Variants in NTNG1 observed in about 807,000 individuals in gnomAD.
NTNG1 encodes netrin-G1.
A neutral mutation model predicts 54.0 loss-of-function variants in NTNG1; 16 were observed. The observed-to-expected ratio is 0.30, with a 90% CI of 0.20 to 0.45. The LOEUF (loss-of-function observed/expected upper bound fraction) is 0.45, where lower values mean the gene tolerates loss of function less well. NTNG1 is among the 20% of genes least tolerant of loss of function. The pLI is 1.00. For synonymous variants in NTNG1, 255 were observed against 263.1 expected (o/e 0.97, Z 0.30); for missense variants, 530 against 678.7 (o/e 0.78, Z 2.43).
At chr1:107,455,497 C>G (rs1676896010) in intron 7 of NTNG1, 1 of 392,276 alleles carries the variant, frequency 2.5e-6, no homozygotes, top group Admixed American at 2.5e-5. Context: ...TCCAAAGCAG[C>G]AGGCTTGTTC....
At chr1:107,160,641 C>T (rs1655335984) in intron 2 of NTNG1, among the ~76,000 whole-genome samples, 1 of 152,138 alleles carries the variant, frequency 6.6e-6, no homozygotes, top group Non-Finnish European at 1.5e-5. Context: ...GTCCATTCAA[C>T]ATCATATGCT....
rs557938796 is a variant in NTNG1 at position 107,445,534 on chromosome 1, A to T, written c.1390+8735A>T. 2.0e-5 allele frequency among the ~76,000 whole-genome samples: 3 copies of T among 152,256 alleles called. No homozygotes were observed. The South Asian group carries it at 6.2e-4, about 32-fold the overall frequency. On this transcript the variant is annotated intron_variant, in intron 7 of 7. Coordinates refer to ENST00000370068, the MANE Select transcript of NTNG1 (RefSeq NM_001113226.3). ...ATTTTCCTTATTTTATAGATGACAA[A>T]ACTGAGATTTAAAGAGGATAATTCC...
chr1:107,199,110 C>G lies in NTNG1; in HGVS notation c.246+50271C>G, dbSNP rs543620627. On this transcript the variant is annotated intron_variant, in intron 2 of 7. Coordinates refer to ENST00000370068, the MANE Select transcript of NTNG1 (RefSeq NM_001113226.3). The stretch of plus-strand genomic sequence containing the variant: ...TCTTGATATAGTGCTAAAATAAACT[C>G]AAGATTTTAAAAGTGCACCCTTCTT... Among the ~76,000 whole-genome samples the G allele has an allele frequency of 5.9e-5, 9 of 151,686 alleles. No individual in the cohort carries two copies. The East Asian group carries it at 1.4e-3, about 23-fold the overall frequency.
At chr1:107,200,741 A>G (rs1214899276) in intron 2 of NTNG1, among the ~76,000 whole-genome samples, 2 of 151,822 alleles carry the variant, frequency 1.3e-5, no homozygotes, top group Non-Finnish European at 2.9e-5. Context: ...TTGAAAAATC[A>G]ATTTCCTCCC....
chr1:107,341,851 G>A (rs961966748), intron 3 of NTNG1, among the ~76,000 whole-genome samples: 1 of 152,020 alleles, frequency 6.6e-6, no homozygotes, highest in African/African-American at 2.4e-5. Flanking sequence ...TTGAAAGACA[G>A]CAAAACCCTT....
chr1:107,353,294 C>T (rs905379698), intron 3 of NTNG1, among the ~76,000 whole-genome samples: 2 of 152,104 alleles, frequency 1.3e-5, no homozygotes, highest in African/African-American at 4.8e-5. Flanking sequence ...TAGAAACAGC[C>T]ATGTCAAATT....
At chr1:107,285,578 T>C (rs1665142920) in intron 2 of NTNG1, among the ~76,000 whole-genome samples, 1 of 152,164 alleles carries the variant, frequency 6.6e-6, no homozygotes, top group Non-Finnish European at 1.5e-5. Flanking sequence ...AAATAGTGTT[T>C]CTGCATACAA....
At chr1:107,472,227 C>T (rs1471000155) in intron 7 of NTNG1, among the ~76,000 whole-genome samples, 2 of 152,164 alleles carry the variant, frequency 1.3e-5, no homozygotes, top group Non-Finnish European at 2.9e-5. Flanking sequence ...ACAGATCAAA[C>T]AGAAACAGTC....
At chr1:107,364,287 C>T (rs1019487141) in intron 3 of NTNG1, among the ~76,000 whole-genome samples, 4 of 152,090 alleles carry the variant, frequency 2.6e-5, no homozygotes, top group African/African-American at 7.2e-5. Flanking sequence ...ACATAATTCT[C>T]GTGGCTATCA....
chr1:107,314,435 AT>A (rs1269875358), intron 2 of NTNG1, among the ~76,000 whole-genome samples: 5 of 151,226 alleles, frequency 3.3e-5, no homozygotes, highest in African/African-American at 1.2e-4. Context: ...AAATAAATAA[AT>A]AAATAAATAA....
chr1:107,386,506 G>T (rs538719289), intron 3 of NTNG1, among the ~76,000 whole-genome samples: 1 of 152,196 alleles, frequency 6.6e-6, no homozygotes, highest in South Asian at 2.1e-4. Context: ...TTTTGTGTCT[G>T]ACATTTTTCA....
At chr1:107,289,214 A>G (rs1342982035) in intron 2 of NTNG1, among the ~76,000 whole-genome samples, 2 of 151,914 alleles carry the variant, frequency 1.3e-5, no homozygotes, top group East Asian at 1.9e-4. Context: ...GGGCTGATCC[A>G]CTCACCTGCT....
intron 5 of NTNG1, among the ~76,000 whole-genome samples, chr1:107,423,475 A>G (rs1333683003): frequency 6.6e-6 from 1 of 152,078 alleles, no homozygotes; most frequent in Non-Finnish European, 1.5e-5. Context: ...GAAACCCCAC[A>G]CTAGACTCTG....
At chr1:107,242,487 T>C (rs987362969) in intron 2 of NTNG1, among the ~76,000 whole-genome samples, 14 of 152,294 alleles carry the variant, frequency 9.2e-5, no homozygotes, top group South Asian at 4.1e-4. Context: ...TATTAAATAG[T>C]ATAACAATTG....
intron 7 of NTNG1, among the ~76,000 whole-genome samples, chr1:107,444,900 G>A (rs993828061): frequency 3.3e-5 from 5 of 152,104 alleles, no homozygotes; most frequent in Non-Finnish European, 7.4e-5. Context: ...CATAAGTGGA[G>A]TTTCACCTTG....
At chr1:107,296,105 G>A (rs1460300150) in intron 2 of NTNG1, among the ~76,000 whole-genome samples, 1 of 152,064 alleles carries the variant, frequency 6.6e-6, no homozygotes, top group Non-Finnish European at 1.5e-5. Context: ...ATTTCATGTA[G>A]CCTTTCACGG....
chr1:107,185,797 T>C (rs956224752), intron 2 of NTNG1, among the ~76,000 whole-genome samples: 1 of 152,152 alleles, frequency 6.6e-6, no homozygotes, highest in African/African-American at 2.4e-5. Flanking sequence ...ATGCGGCCTG[T>C]GAAGTGGCAT....
At chr1:107,233,533 C>A (rs1661204364) in intron 2 of NTNG1, among the ~76,000 whole-genome samples, 2 of 152,144 alleles carry the variant, frequency 1.3e-5, no homozygotes, top group African/African-American at 4.8e-5. Flanking sequence ...TAAATTACGT[C>A]TTTTATTGGA....
At chr1:107,253,969 GATTA>G (rs1186195768) in intron 2 of NTNG1, among the ~76,000 whole-genome samples, 1 of 152,212 alleles carries the variant, frequency 6.6e-6, no homozygotes, top group Non-Finnish European at 1.5e-5. Flanking sequence ...ACAGTGCTTA[GATTA>G]ATTATTTTGT....
Sources: allele counts gnomAD v4.1 joint callset (sites outside exome capture counted in the v4.1 genomes callset), GRCh38; gene constraint gnomAD v4.1.1; transcripts MANE v1.5; gene names NCBI Gene and HGNC (gene_info 2026-07-23, HGNC 2026-07-21).